The following MYT1L variants were observed in gnomAD, a reference collection of about 807,000 sequenced individuals.
MYT1L encodes myelin transcription factor 1-like protein.
Under a neutral mutation model 126.7 loss-of-function variants are expected in MYT1L, and 12 were observed. The observed-to-expected ratio is 0.09, with a 90% confidence interval of 0.06 to 0.15. The LOEUF is 0.15. Ranked by LOEUF, MYT1L falls within the 10% of genes least tolerant of loss-of-function variation. The pLI is 1.00. For synonymous variants in MYT1L, 541 were observed against 604.2 expected, an observed-to-expected ratio of 0.90 and a Z score of 1.53; for missense variants, 979 against 1,585.2, an observed-to-expected ratio of 0.62 and a Z score of 6.49.
chr2:1,926,332 G>T (rs1438241033), intron 9 of MYT1L, among the ~76,000 whole-genome samples: 2 of 152,120 alleles, frequency 1.3e-5, no homozygotes, highest in African/African-American at 2.4e-5. Flanking sequence ...GCCTCATCTG[G>T]AATTCAAAGT....
At chr2:1,881,493 GATAAA>G (rs1242441877) in intron 18 of MYT1L, among the ~76,000 whole-genome samples, 6 of 151,886 alleles carry the variant, frequency 4.0e-5, no homozygotes, top group Non-Finnish European at 7.4e-5. Context: ...TACTCATTAT[GATAAA>G]ATAAAACTCC....
intron 2 of MYT1L, among the ~76,000 whole-genome samples, chr2:2,175,806 G>A (rs939327043): frequency 1.3e-5 from 2 of 152,228 alleles, no homozygotes; most frequent in African/African-American, 4.8e-5. Flanking sequence ...CAGGGCTGGA[G>A]GGCAGTCCTG....
intron 8 of MYT1L, among the ~76,000 whole-genome samples, chr2:1,956,521 CT>C (rs2058448615): frequency 7.2e-6 from 1 of 138,222 alleles, no homozygotes; most frequent in African/African-American, 3.1e-5. Flanking sequence ...ATCTATCTAT[CT>C]ATCTATCTAT....
chr2:1,991,658 G>A (rs996737279), intron 5 of MYT1L, among the ~76,000 whole-genome samples: 8 of 152,046 alleles, frequency 5.3e-5, no homozygotes, highest in Middle Eastern at 3.4e-3. Context: ...CATCCCTCTC[G>A]CCTGGTTCGC....
At position 2,053,994 on chromosome 2, in the gene MYT1L, G is replaced by A. The variant is rs1352883136; in HGVS notation, c.-174C>T. On this transcript the variant is annotated 5_prime_UTR_variant, in exon 4 of 25. The change creates a premature stop within an existing upstream ORF in the 5' untranslated region. Transcript: ENST00000647738. ...GTTCCTCACCTTTAGGTGGCTCCTC[G>A]GATATCCATACGTCTGTGAGACCAA... is the stretch of plus-strand genomic sequence containing the variant. 2 of 152,614 alleles carry A rather than the reference G, an allele frequency of 1.3e-5. No individual in the cohort carries two copies. The highest frequency in any genetic ancestry group is 1.9e-4 in the East Asian group (1 of 5,196). 9.5% of individuals were successfully genotyped at this position (152,614 alleles called of 1,614,324 possible).
intron 9 of MYT1L, 53 bp downstream of exon 9, chr2:1,942,929 G>A: frequency 1.3e-6 from 2 of 1,483,430 alleles, no homozygotes; most frequent in African/African-American, 1.4e-5. Context: ...AATTCACCTT[G>A]AACAGTGGAC....
chr2:1,850,478 G>A (rs2043124823), intron 19 of MYT1L, among the ~76,000 whole-genome samples: 1 of 152,024 alleles, frequency 6.6e-6, no homozygotes, highest in Non-Finnish European at 1.5e-5. Context: ...CCTCAGCATT[G>A]GCTGTTGGTA....
intron 23 of MYT1L, among the ~76,000 whole-genome samples, chr2:1,799,930 G>T (rs551875426): frequency 6.6e-6 from 1 of 152,030 alleles, no homozygotes; most frequent in Non-Finnish European, 1.5e-5. Context: ...TCTCCTTCCT[G>T]CCACCTTGTG....
intron 2 of MYT1L, among the ~76,000 whole-genome samples, chr2:2,207,512 G>C (rs769389587): frequency 6.6e-6 from 1 of 152,142 alleles, no homozygotes; most frequent in Non-Finnish European, 1.5e-5. Flanking sequence ...TCTGTTTTAA[G>C]TGCATCATCA....
In MYT1L at chr2:1,801,610, C is replaced by A; in HGVS notation, c.3276+86G>T. On this transcript the variant is annotated intron_variant, in intron 23 of 24. Transcript: ENST00000647738. This position sits in a 1 kb window ranked among gnomAD's most constrained non-coding sequence, Gnocchi z 4.2. ...AAGAGCAAATAAGAGGAAACGACAG[C>A]TCTCCTAAAAGCTGATTTCATGCCA... 2.5e-6 allele frequency: 2 copies of A among 800,738 alleles called. No homozygotes were observed. The highest frequency in any genetic ancestry group is 2.4e-5 in the Admixed American group (1 of 41,632). The allele number at this position is 800,738 out of a possible 1,614,324, so 49.6% of individuals were successfully genotyped here.
At chr2:2,159,119 A>G (rs185583700) in intron 3 of MYT1L, among the ~76,000 whole-genome samples, 9 of 152,202 alleles carry the variant, frequency 5.9e-5, no homozygotes, top group African/African-American at 1.7e-4. Flanking sequence ...CGGCACGGGG[A>G]CATGTGAAGA....
rs1167910803 is a variant in MYT1L, at chr2:2,217,685, C to CA, written c.-420-44698dup. On this transcript the variant is annotated intron_variant, in intron 2 of 24. Coordinates refer to ENST00000647738, the MANE Select transcript of MYT1L (RefSeq NM_001303052.2). ...AACTCCATCTCAACAACAACAACAACAACAACAACAACAACAACAACAAAA... is the reference window on the plus strand; with the variant it reads ...AACTCCATCTCAACAACAACAACAACAAACAACAACAACAACAACAACAAAA... Among the ~76,000 whole-genome samples, 26 of 79,660 alleles carry CA rather than the reference C, an allele frequency of 3.3e-4. 2 individuals carry two copies. The highest frequency in any genetic ancestry group is 2.4e-3 in the South Asian group (6 of 2,534). 52.3% of individuals were successfully genotyped at this position (79,660 alleles called of 152,430 possible). A position where few individuals can be genotyped will look rare whatever the true frequency, so the allele number is the denominator to read the frequency against.
intron 2 of MYT1L, among the ~76,000 whole-genome samples, chr2:2,178,786 A>T (rs1025219394): frequency 7.2e-5 from 11 of 152,182 alleles, no homozygotes; most frequent in African/African-American, 2.7e-4. Context: ...GAAGTCCAGA[A>T]ACCCTAACGA....
At chr2:2,017,015 C>T (rs755417999) in intron 4 of MYT1L, among the ~76,000 whole-genome samples, 3 of 152,216 alleles carry the variant, frequency 2.0e-5, no homozygotes, top group Admixed American at 6.5e-5. Context: ...AGTCCAAAGG[C>T]CTATCGACAG....
At chr2:2,130,529 T>C (rs1559097613) in intron 3 of MYT1L, among the ~76,000 whole-genome samples, 1 of 152,112 alleles carries the variant, frequency 6.6e-6, no homozygotes, top group Non-Finnish European at 1.5e-5. Flanking sequence ...GGAACCCACA[T>C]TCATGTTGAT....
At chr2:2,246,110 G>A (rs1453075288) in intron 2 of MYT1L, among the ~76,000 whole-genome samples, 4 of 152,194 alleles carry the variant, frequency 2.6e-5, no homozygotes, top group Non-Finnish European at 2.9e-5. Flanking sequence ...ATACAGGCTC[G>A]CTGACTGCCC....
Position 2,080,322 on chromosome 2 carries a change from A to G in MYT1L, c.-303-26199T>C, listed in dbSNP as rs56409632. On this transcript the variant is annotated intron_variant, in intron 3 of 24. Coordinates refer to ENST00000647738, the MANE Select transcript of MYT1L (RefSeq NM_001303052.2). ...GATAAGAGAAAAAAAAAGCAAACGCATAAGTTTAGCTTAATCAAAACTAAA... is the reference window on the plus strand; with the variant it reads ...GATAAGAGAAAAAAAAAGCAAACGCGTAAGTTTAGCTTAATCAAAACTAAA... Among the ~76,000 whole-genome samples, 875 of 152,368 alleles carry G rather than the reference A, an allele frequency of 5.7e-3. 10 individuals are homozygous for G. Among genetic ancestry groups the G allele is most frequent in the African/African-American group, 0.021 (854 of 41,586 alleles).
rs183873087 is a variant in MYT1L, at chr2:2,266,020, G to T, written c.-421+18384C>A. ...AGAATAGCTCCGGGTGCAGGTCTGC[G>T]GGGGCAATCAGCAGCTGGGCAAATG... is the stretch of plus-strand genomic sequence containing the variant. On this transcript the variant is annotated intron_variant, in intron 2 of 24. Coordinates refer to ENST00000647738, the MANE Select transcript of MYT1L (RefSeq NM_001303052.2). Among the ~76,000 whole-genome samples the T allele has an allele frequency of 1.2e-3, 181 of 152,258 alleles. 1 individual carries two copies. Among genetic ancestry groups the T allele is most frequent in the African/African-American group, 4.2e-3 (176 of 41,540 alleles).
chr2:2,032,438 T>C (rs961007429), intron 4 of MYT1L, among the ~76,000 whole-genome samples: 4 of 87,354 alleles, frequency 4.6e-5, no homozygotes, highest in Non-Finnish European at 8.5e-5. Context: ...GTGCCTCTCA[T>C]CCTGTGGCCC....
Sources: gnomAD v4.1 joint callset for allele counts (sites outside exome capture counted in the v4.1 genomes callset) on GRCh38, gnomAD v4.1.1 for gene constraint, Gnocchi (gnomAD v3.1) non-coding constraint, MANE v1.5 for transcripts, NCBI Gene and HGNC (gene_info 2026-07-23, HGNC 2026-07-21) for gene names.